VIL1: variants seen among roughly 807,000 people sequenced by gnomAD.
VIL1 encodes villin-1.
Under a neutral mutation model 104.0 loss-of-function variants are expected in VIL1, and 86 were observed. That is an observed-to-expected ratio of 0.83 (90% CI 0.69 to 0.99). The LOEUF (loss-of-function observed/expected upper bound fraction) is 0.99, where lower values mean the gene tolerates loss of function less well. VIL1 is among the 50% of genes least tolerant of loss of function. The pLI, the probability that VIL1 is intolerant of heterozygous loss-of-function variation, is 0.00. For missense variants in VIL1, 944 were observed against 1,054.1 expected (o/e 0.90, Z 1.45); for synonymous variants, 394 against 412.6 (o/e 0.95, Z 0.55).
At chr2:218,434,857 C>T (rs1574816907) in intron 14 of VIL1, 152 bp downstream of exon 14, 2 of 770,840 alleles carry the variant, frequency 2.6e-6, no homozygotes, top group East Asian at 5.5e-5. Flanking sequence ...TCTCTCCCTC[C>T]TCAGTAGCTC....
At chr2:218,419,613 T>G (rs1010124577) in intron 1 of VIL1, among the ~76,000 whole-genome samples, 1 of 152,242 alleles carries the variant, frequency 6.6e-6, no homozygotes, top group Non-Finnish European at 1.5e-5. Context: ...CTGACACTCC[T>G]GGGACCTCCG....
intron 12 of VIL1, 183 bp downstream of exon 12, chr2:218,432,366 T>C: frequency 2.1e-6 from 2 of 953,296 alleles, no homozygotes; most frequent in Non-Finnish European, 3.2e-6. Flanking sequence ...CTTTTCCTTT[T>C]GGTTCTCTGA....
rs138121195 is a variant in VIL1 at position 218,432,173 on chromosome 2, A to G, written c.1331A>G (p.Tyr444Cys). The G allele has an allele frequency of 2.5e-6, 4 of 1,612,886 alleles. No homozygotes were observed. Among genetic ancestry groups the G allele is most frequent in the Non-Finnish European group, 3.4e-6 (4 of 1,179,734 alleles). The change falls in exon 12 of 20, where the codon TAC (tyrosine) becomes TGC (cysteine). Residue 444 changes from tyrosine (Y) to cysteine (C), a missense_variant. Coordinates refer to ENST00000248444, the MANE Select transcript of VIL1 (RefSeq NM_007127.3). ...LIGEKQHYLL[Y>C]VWQGSQASQD... ...GGCGAGAAGCAGCATTACCTGCTCT[A>G]CGTTTGGCAGGTCAGGTCCCGCCAC...
At position 218,425,598 on chromosome 2, in the gene VIL1, G is replaced by T. The variant is rs766871357; in HGVS notation, c.151-17G>T. 6.2e-7 allele frequency: 1 copy of T among 1,613,282 alleles called. No individual in the cohort carries two copies. The highest frequency in any genetic ancestry group is 8.5e-7 in the Non-Finnish European group (1 of 1,179,684). ...GGGAGCCCAGGGTCTCGGGTACACT[G>T]GACACCTTTTCCCTAGATCCACAAG... On this transcript the variant is annotated splice_polypyrimidine_tract_variant and intron_variant, in intron 3 of 19. Transcript: ENST00000248444.
rs1404171471 is a variant in VIL1 at position 218,449,300 on chromosome 2, G to A, written c.2448G>A (p.Lys816=). Residue 816 remains lysine, a synonymous_variant, in exon 20 of 20, where the codon AAG becomes AAA. Transcript: ENST00000248444. ...PAAFSALPRW[K]QQNLKKEKGL... ...CCTTCTCTGCTCTGCCTCGATGGAA[G>A]CAACAAAACCTCAAGAAAGAAAAAG... 2 of 1,613,860 alleles carry A rather than the reference G, an allele frequency of 1.2e-6. No homozygotes were observed. Among genetic ancestry groups the A allele is most frequent in the Admixed American group, 1.7e-5 (1 of 59,994 alleles).
Position 218,451,071 on chromosome 2 carries a change from T to C in VIL1, c.*1735T>C, listed in dbSNP as rs1689464633. 6.6e-6 allele frequency: 1 copy of C among 152,192 alleles called. No homozygotes were observed. Among genetic ancestry groups the C allele is most frequent in the Non-Finnish European group, 1.5e-5 (1 of 68,038 alleles). 9.4% of individuals were successfully genotyped at this position (152,192 alleles called of 1,614,324 possible). On this transcript the variant is annotated 3_prime_UTR_variant, in exon 20 of 20. Coordinates refer to ENST00000248444, the MANE Select transcript of VIL1 (RefSeq NM_007127.3). ...TTAGAATTTTCCAATAAAAAATATA[T>C]ATTTTTTCAGATGTTAATAAGACAT...
At chr2:218,448,363 G>A (rs1056755354) in intron 19 of VIL1, among the ~76,000 whole-genome samples, 2 of 152,014 alleles carry the variant, frequency 1.3e-5, no homozygotes, top group African/African-American at 2.4e-5. Context: ...CCAGGAGTTC[G>A]AGACCAGCCT....
At chr2:218,437,659 T>C (rs1429396384) in intron 17 of VIL1, among the ~76,000 whole-genome samples, 1 of 152,222 alleles carries the variant, frequency 6.6e-6, no homozygotes, top group East Asian at 1.9e-4. Flanking sequence ...GGCTACTGTG[T>C]TGGGCAGCAG....
chr2:218,424,473 G>T, intron 3 of VIL1, 122 bp downstream of exon 3: 1 of 1,061,950 alleles, frequency 9.4e-7, no homozygotes. Context: ...ACAATTTACT[G>T]GGTATGCCCA....
chr2:218,434,751 G>A, intron 14 of VIL1, 46 bp downstream of exon 14: 2 of 1,557,874 alleles, frequency 1.3e-6, no homozygotes, highest in South Asian at 1.2e-5. Context: ...GTGGGTCCTG[G>A]GAGTCCCCCA....
chr2:218,434,565 T>A lies in VIL1; in HGVS notation c.1540T>A (p.Ser514Thr). ...AACTAACAACTTGGAGACCGGGCCC[T>A]CCACACGGCTGTTCCAGGTCCAGGG... ...SRTNNLETGP[S>T]TRLFQVQGTG... The change falls in exon 14 of 20, where the codon TCC becomes ACC. Residue 514 changes from serine (S) to threonine (T), a missense_variant. Coordinates refer to ENST00000248444, the MANE Select transcript of VIL1 (RefSeq NM_007127.3). 2 of 1,613,792 alleles carry A rather than the reference T, an allele frequency of 1.2e-6. No individual in the cohort carries two copies. The highest frequency in any genetic ancestry group is 8.5e-7 in the Non-Finnish European group (1 of 1,179,896).
intron 19 of VIL1, 27 bp downstream of exon 19, chr2:218,440,889 A>G: frequency 6.2e-7 from 1 of 1,612,850 alleles, no homozygotes. Context: ...AAGGAAGACA[A>G]AGAAGTCCAT....
chr2:218,426,608 AT>A (rs1003783614), intron 4 of VIL1, among the ~76,000 whole-genome samples: 96 of 134,754 alleles, frequency 7.1e-4, no homozygotes, highest in Middle Eastern at 5.7e-3. Context: ...TGCCCAGCTA[AT>A]TTTTTTTTTT....
At chr2:218,428,577 T>C (rs1038888677) in intron 6 of VIL1, among the ~76,000 whole-genome samples, 5 of 152,200 alleles carry the variant, frequency 3.3e-5, no homozygotes, top group Non-Finnish European at 4.4e-5. Context: ...AGGGATCCAG[T>C]GGTGAATGAA....
At chr2:218,428,132 G>T in intron 5 of VIL1, 59 bp downstream of exon 5, 1 of 1,602,262 alleles carries the variant, frequency 6.2e-7, no homozygotes, top group Admixed American at 1.7e-5. Context: ...GGAGGGCAGG[G>T]GCTGAGGAGG....
chr2:218,449,432 T>C lies in VIL1; in HGVS notation c.*96T>C. 9.7e-7 allele frequency: 1 copy of C among 1,034,132 alleles called. No individual in the cohort carries two copies. The highest frequency in any genetic ancestry group is 1.3e-5 in the South Asian group (1 of 76,742). The allele number at this position is 1,034,132 out of a possible 1,614,324, so 64.1% of individuals were successfully genotyped here. A position where few individuals can be genotyped will look rare whatever the true frequency, so the allele number is the denominator to read the frequency against. On this transcript the variant is annotated 3_prime_UTR_variant, in exon 20 of 20. Coordinates refer to ENST00000248444, the MANE Select transcript of VIL1 (RefSeq NM_007127.3). ...TCCTACACCAATTGAAGTGAAATTTTGCAGATGTGCCTATGAGCACAAACT... is the reference window on the plus strand; with the variant it reads ...TCCTACACCAATTGAAGTGAAATTTCGCAGATGTGCCTATGAGCACAAACT...
chr2:218,423,713 G>T, intron 1 of VIL1, 55 bp from the exon 2 acceptor site: 1 of 1,578,056 alleles, frequency 6.3e-7, no homozygotes, highest in South Asian at 1.1e-5. Context: ...GGGGCAGGCT[G>T]GAAGGGCAGC....
chr2:218,437,051 G>A, intron 16 of VIL1, 73 bp from the exon 17 acceptor site: 2 of 1,546,926 alleles, frequency 1.3e-6, no homozygotes, highest in Non-Finnish European at 1.8e-6. Context: ...TTTCACTGTT[G>A]GACAACTGAG....
intron 19 of VIL1, among the ~76,000 whole-genome samples, chr2:218,441,077 T>C (rs935422948): frequency 1.3e-5 from 2 of 152,278 alleles, no homozygotes; most frequent in South Asian, 4.1e-4. Flanking sequence ...AAAGGTGAAG[T>C]ACAGGAGCTG....
Sources: gnomAD v4.1 joint callset for allele counts (sites outside exome capture counted in the v4.1 genomes callset) on GRCh38, gnomAD v4.1.1 for gene constraint, MANE v1.5 for transcripts, NCBI Gene and HGNC (gene_info 2026-07-23, HGNC 2026-07-21) for gene names.